The following IL20RA variants were observed in gnomAD, a reference collection of about 807,000 sequenced individuals.
The protein encoded by IL20RA is interleukin-20 receptor subunit alpha.
IL20RA carries 29 observed loss-of-function variants against 36.5 expected under a neutral mutation model. That is an observed-to-expected ratio of 0.79 (90% CI 0.59 to 1.08). IL20RA has a LOEUF of 1.08. IL20RA is among the 50% of genes least tolerant of loss of function. IL20RA has a pLI of 0.00. For synonymous variants in IL20RA, 279 were observed against 267.1 expected (o/e 1.04, Z -0.43); for missense variants, 652 against 668.4 (o/e 0.98, Z 0.27).
intron 1 of IL20RA, among the ~76,000 whole-genome samples, chr6:137,024,938 T>C (rs1776034423): frequency 6.6e-6 from 1 of 152,186 alleles, no homozygotes; most frequent in South Asian, 2.1e-4. Flanking sequence ...CTTTGAGCTT[T>C]GAACGATGGA....
At chr6:137,040,987 A>G (rs1776674170) in intron 1 of IL20RA, among the ~76,000 whole-genome samples, 1 of 152,234 alleles carries the variant, frequency 6.6e-6, no homozygotes, top group Admixed American at 6.5e-5. Flanking sequence ...CACCTTAACC[A>G]AGCGATCAAG....
intron 1 of IL20RA, among the ~76,000 whole-genome samples, chr6:137,033,827 T>G (rs546645484): frequency 5.4e-4 from 82 of 152,324 alleles, no homozygotes; most frequent in Non-Finnish European, 1.1e-3. Context: ...CTGCAAAAAC[T>G]CTACTTCCAA....
intron 6 of IL20RA, 45 bp from the exon 7 acceptor site, chr6:137,002,400 A>G: frequency 7.5e-7 from 1 of 1,340,686 alleles, no homozygotes; most frequent in Non-Finnish European, 1.0e-6. Context: ...CACTTTAGAG[A>G]GACATTAAAA....
chr6:137,011,617 T>C (rs1775504602), intron 2 of IL20RA, among the ~76,000 whole-genome samples, 165 bp from the exon 3 acceptor site: 2 of 152,232 alleles, frequency 1.3e-5, no homozygotes. Flanking sequence ...GTGGGCAATT[T>C]TTTTCATCAG....
chr6:137,004,888 T>C, intron 5 of IL20RA, 128 bp from the exon 6 acceptor site: 1 of 817,224 alleles, frequency 1.2e-6, no homozygotes, highest in Non-Finnish European at 1.9e-6. Context: ...GGAACTCAGT[T>C]TTCTCACCTC....
intron 1 of IL20RA, among the ~76,000 whole-genome samples, chr6:137,024,475 A>T (rs1300769348): frequency 6.6e-6 from 1 of 152,240 alleles, no homozygotes; most frequent in East Asian, 1.9e-4. Context: ...TTGAGATTTC[A>T]CATCCCAAAT....
At chr6:137,033,719 G>A (rs138258057) in intron 1 of IL20RA, among the ~76,000 whole-genome samples, 1 of 152,328 alleles carries the variant, frequency 6.6e-6, no homozygotes, top group East Asian at 1.9e-4. Context: ...AGAACCAAGT[G>A]CCAATTAAAC....
At chr6:137,035,731 AATACCTC>A (rs1317107993) in intron 1 of IL20RA, among the ~76,000 whole-genome samples, 1 of 152,266 alleles carries the variant, frequency 6.6e-6, no homozygotes, top group Non-Finnish European at 1.5e-5. Context: ...GATCACTTCA[AATACCTC>A]ATTCCCTACA....
In IL20RA at chr6:137,008,663, G is replaced by A. The variant is rs766382750; in HGVS notation, c.660C>T (p.Ser220=). ...PNTLYCVHVE[S]FVPGPPRRAQ... Reference sequence around the variant, plus strand: ...CACGGCGAGGGGGCCCTGGGACGAAGGACTCCACGTGTACGCAGTAAAGAG... The same window carrying A: ...CACGGCGAGGGGGCCCTGGGACGAAAGACTCCACGTGTACGCAGTAAAGAG... Residue 220 remains serine, a synonymous_variant, in exon 5 of 7, where the codon TCC becomes TCT. Transcript: ENST00000316649. 2 of 1,608,640 alleles carry A rather than the reference G, an allele frequency of 1.2e-6. No homozygotes were observed. The highest frequency in any genetic ancestry group is 1.7e-6 in the Non-Finnish European group (2 of 1,177,662).
At chr6:137,015,498 G>A (rs1233271619) in intron 2 of IL20RA, among the ~76,000 whole-genome samples, 1 of 152,058 alleles carries the variant, frequency 6.6e-6, no homozygotes, top group Non-Finnish European at 1.5e-5. Flanking sequence ...CTTGTATTCT[G>A]TTTTCTTCTT....
intron 1 of IL20RA, among the ~76,000 whole-genome samples, chr6:137,024,152 T>C (rs762486735): frequency 2.0e-5 from 3 of 152,052 alleles, no homozygotes; most frequent in African/African-American, 4.8e-5. Context: ...GGAAAAGAAA[T>C]AGTACATTTA....
At chr6:137,013,176 C>T (rs919143372) in intron 2 of IL20RA, among the ~76,000 whole-genome samples, 2 of 152,148 alleles carry the variant, frequency 1.3e-5, no homozygotes, top group South Asian at 4.1e-4. Flanking sequence ...AAATAATATC[C>T]CTCAACATTC....
intron 5 of IL20RA, among the ~76,000 whole-genome samples, chr6:137,008,131 T>A (rs568627179): frequency 6.6e-6 from 1 of 151,902 alleles, no homozygotes; most frequent in African/African-American, 2.4e-5. Context: ...CCAAGCCTGG[T>A]TGATTTTATT....
At position 137,000,242 on chromosome 6, in the gene IL20RA, A is replaced by G. The variant is rs1341439935; in HGVS notation, c.*1316T>C. ...ACCAGGGTTGTCTGCCTGTACCAAT[A>G]ATATCAATAAGGAAATATGGGTGAT... is the stretch of plus-strand genomic sequence containing the variant. On this transcript the variant is annotated 3_prime_UTR_variant, in exon 7 of 7. Coordinates refer to ENST00000316649, the MANE Select transcript of IL20RA (RefSeq NM_014432.4). The G allele has an allele frequency of 1.3e-5, 2 of 152,192 alleles. No individual in the cohort carries two copies. The highest frequency in any genetic ancestry group is 2.9e-5 in the Non-Finnish European group (2 of 68,024). 9.4% of individuals were successfully genotyped at this position (152,192 alleles called of 1,614,324 possible).
At chr6:137,041,280 A>T (rs1776682860) in intron 1 of IL20RA, among the ~76,000 whole-genome samples, 1 of 152,220 alleles carries the variant, frequency 6.6e-6, no homozygotes, top group Admixed American at 6.5e-5. Context: ...CCGAAACAGA[A>T]AAAGGGCATT....
rs76959685 is a variant in IL20RA, at chr6:137,039,840, C to T, written c.88+4801G>A. Reference sequence around the variant, plus strand: ...TATTTCACCTAGCTGCCAAATGCCCCAAATGTCACAAACAAAACAACTAGC... The same window carrying T: ...TATTTCACCTAGCTGCCAAATGCCCTAAATGTCACAAACAAAACAACTAGC... On this transcript the variant is annotated intron_variant, in intron 1 of 6. Transcript: ENST00000316649. 7.2e-5 allele frequency among the ~76,000 whole-genome samples: 11 copies of T among 152,232 alleles called. No homozygotes were observed. In the East Asian group the frequency reaches 2.1e-3, roughly 29 times the overall value.
At chr6:137,038,875 C>T (rs1325221414) in intron 1 of IL20RA, among the ~76,000 whole-genome samples, 1 of 152,074 alleles carries the variant, frequency 6.6e-6, no homozygotes, top group Non-Finnish European at 1.5e-5. Context: ...ACAGAACAAT[C>T]ATTTTGTGAA....
intron 1 of IL20RA, among the ~76,000 whole-genome samples, chr6:137,040,108 T>C (rs1431871251): frequency 6.6e-6 from 1 of 152,044 alleles, no homozygotes; most frequent in Non-Finnish European, 1.5e-5. Flanking sequence ...CTGAAAATAT[T>C]TATATTAGAA....
chr6:137,021,576 G>A (rs1425317001), intron 1 of IL20RA, among the ~76,000 whole-genome samples: 1 of 151,848 alleles, frequency 6.6e-6, no homozygotes, highest in Middle Eastern at 3.2e-3. Flanking sequence ...CTATTTGGGA[G>A]GTTGGGGCAG....
Sources: allele counts gnomAD v4.1 joint callset (sites outside exome capture counted in the v4.1 genomes callset), GRCh38; gene constraint gnomAD v4.1.1; transcripts MANE v1.5; gene names NCBI Gene and HGNC (gene_info 2026-07-23, HGNC 2026-07-21).